Variants in TTC23L observed in about 807,000 individuals in gnomAD.
TTC23L encodes the protein tetratricopeptide repeat domain 23 like, also known as tetratricopeptide repeat protein 23-like.
In TTC23L, 42 loss-of-function variants were observed where a neutral mutation model predicts 48.1. That is an observed-to-expected ratio of 0.87 (90% CI 0.68 to 1.13). TTC23L has a LOEUF of 1.13. TTC23L is among the 50% of genes most tolerant of loss of function. The probability of loss-of-function intolerance (pLI) is 0.00; values close to 1 mark genes in which losing one functional copy is unlikely to be tolerated. For synonymous variants in TTC23L, 159 were observed against 157.2 expected (o/e 1.01, Z -0.09); for missense variants, 391 against 421.0 (o/e 0.93, Z 0.62).
chr5:34,879,229 A>G (rs1306025707), intron 8 of TTC23L, among the ~76,000 whole-genome samples: 2 of 152,134 alleles, frequency 1.3e-5, no homozygotes, highest in Admixed American at 1.3e-4. Flanking sequence ...AATGAGTACA[A>G]TGTATGTTAT....
At chr5:34,891,638 A>G (rs1403325606) in intron 9 of TTC23L, among the ~76,000 whole-genome samples, 1 of 152,226 alleles carries the variant, frequency 6.6e-6, no homozygotes, top group African/African-American at 2.4e-5. Flanking sequence ...GAAGGTAATA[A>G]TAATGAAACT....
At chr5:34,897,011 G>GAA in intron 10 of TTC23L, 136 bp downstream of exon 10, 1 of 502,298 alleles carries the variant, frequency 2.0e-6, no homozygotes, top group Non-Finnish European at 3.5e-6. Context: ...AATCATTTAA[G>GAA]GAAAAAAAAA....
chr5:34,840,243 G>GT (rs1268352292), intron 1 of TTC23L, among the ~76,000 whole-genome samples: 37 of 142,918 alleles, frequency 2.6e-4, no homozygotes, highest in South Asian at 2.3e-4. Flanking sequence ...ACCCCGGGGG[G>GT]GGGGGGGAAA....
chr5:34,918,548 T>C, the TTC23L span: 6 of 862,886 alleles, frequency 7.0e-6, no homozygotes, highest in Non-Finnish European at 8.6e-6. Context: ...ACTTATTTTA[T>C]ATATTCTTCA....
chr5:34,851,709 C>T (rs1759688694), intron 4 of TTC23L, among the ~76,000 whole-genome samples: 1 of 152,220 alleles, frequency 6.6e-6, no homozygotes, highest in South Asian at 2.1e-4. Context: ...TGGAATCTCT[C>T]TATTCCCATC....
At chr5:34,903,975 ATT>A (rs887242433), downstream of TTC23L, among the ~76,000 whole-genome samples, 3 of 151,816 alleles carry the variant, frequency 2.0e-5, no homozygotes, top group Non-Finnish European at 4.4e-5. Context: ...TTTTTATTTT[ATT>A]TTTTGTTGAG....
chr5:34,864,002 G>A (rs1052490779), intron 5 of TTC23L, among the ~76,000 whole-genome samples: 2 of 152,178 alleles, frequency 1.3e-5, no homozygotes, highest in Non-Finnish European at 2.9e-5. Context: ...CTTTTCTGCT[G>A]TTTGCCTTTG....
At chr5:34,924,982 G>A in the TTC23L span, 14 of 1,611,832 alleles carry the variant, frequency 8.7e-6, no homozygotes, top group Middle Eastern at 1.6e-4. Flanking sequence ...CATGGTAAGC[G>A]GTTGTGTCAT....
chr5:34,884,789 C>A (rs1762449161), intron 9 of TTC23L, among the ~76,000 whole-genome samples: 1 of 152,138 alleles, frequency 6.6e-6, no homozygotes, highest in Non-Finnish European at 1.5e-5. Flanking sequence ...TGCATGCTTT[C>A]CTACTCTAAA....
At chr5:34,903,470 C>A (rs1175279843), downstream of TTC23L, among the ~76,000 whole-genome samples, 2 of 152,142 alleles carry the variant, frequency 1.3e-5, no homozygotes, top group African/African-American at 4.8e-5. Context: ...TGAACCCACA[C>A]TGACACAGCA....
chr5:34,845,631 C>A, exon 3 of TTC23L: 1 of 1,613,468 alleles, frequency 6.2e-7, no homozygotes, highest in Non-Finnish European at 8.5e-7. Context: ...AGAAATTAGC[C>A]CAATCCCAGA....
intron 2 of TTC23L, 79 bp downstream of exon 2, chr5:34,840,818 G>T (rs889522214): frequency 8.2e-6 from 11 of 1,338,558 alleles, no homozygotes; most frequent in Admixed American, 5.0e-5. Flanking sequence ...GCAAACCTGG[G>T]TGAGGAGCTT....
At chr5:34,913,543 C>G in the TTC23L span, 1 of 1,603,520 alleles carries the variant, frequency 6.2e-7, no homozygotes, top group South Asian at 1.1e-5. Flanking sequence ...AAGTAACAGA[C>G]TCTTCCTGAA....
intron 10 of TTC23L, among the ~76,000 whole-genome samples, chr5:34,898,603 A>G (rs910535327): frequency 6.6e-6 from 1 of 152,164 alleles, no homozygotes; most frequent in Non-Finnish European, 1.5e-5. Flanking sequence ...CTATTTCTTC[A>G]GCTAATTTGG....
intron 4 of TTC23L, among the ~76,000 whole-genome samples, chr5:34,857,836 T>C (rs918946664): frequency 2.0e-5 from 3 of 152,208 alleles, no homozygotes; most frequent in African/African-American, 4.8e-5. Context: ...TCATAATGAC[T>C]AAACAAGGAT....
chr5:34,900,057 T>C (rs1426664878), downstream of TTC23L, among the ~76,000 whole-genome samples: 1 of 152,230 alleles, frequency 6.6e-6, no homozygotes, highest in East Asian at 1.9e-4. Context: ...GTTCTGACTT[T>C]TTAAAAAATT....
At chr5:34,871,373 T>C (rs562557403) in intron 8 of TTC23L, among the ~76,000 whole-genome samples, 1 of 152,188 alleles carries the variant, frequency 6.6e-6, no homozygotes, top group Non-Finnish European at 1.5e-5. Context: ...ACAGTATTTA[T>C]GTGCTGAAAA....
At chr5:34,855,867 A>G (rs1469025764) in intron 4 of TTC23L, among the ~76,000 whole-genome samples, 1 of 152,250 alleles carries the variant, frequency 6.6e-6, no homozygotes, top group African/African-American at 2.4e-5. Context: ...AATGAAACAA[A>G]AAAAGTTACT....
At chr5:34,897,800 A>G (rs1247948372) in intron 10 of TTC23L, among the ~76,000 whole-genome samples, 1 of 152,250 alleles carries the variant, frequency 6.6e-6, no homozygotes, top group Admixed American at 6.5e-5. Flanking sequence ...CTGAGGGTAT[A>G]CATGAATACT....
Sources: allele counts gnomAD v4.1 joint callset (sites outside exome capture counted in the v4.1 genomes callset), GRCh38; gene constraint gnomAD v4.1.1; transcripts MANE v1.5; gene names NCBI Gene and HGNC (gene_info 2026-07-23, HGNC 2026-07-21).